BEND7: variants seen among roughly 807,000 people sequenced by gnomAD.
BEND7 encodes the protein BEN domain-containing protein 7.
In BEND7, 28 loss-of-function variants were observed where a neutral mutation model predicts 50.9. The observed-to-expected ratio is 0.55, with a 90% confidence interval of 0.41 to 0.75. The LOEUF is 0.75. Among genes scored for constraint, BEND7 ranks in the 30% least tolerant of loss-of-function variants. The pLI, the probability that BEND7 is intolerant of heterozygous loss-of-function variation, is 0.00. For synonymous variants in BEND7, 170 were observed against 183.9 expected, an observed-to-expected ratio of 0.92 and a Z score of 0.61; for missense variants, 477 against 491.3, an observed-to-expected ratio of 0.97 and a Z score of 0.28.
intron 6 of BEND7, among the ~76,000 whole-genome samples, chr10:13,462,781 G>A (rs1446276821): frequency 6.6e-6 from 1 of 152,180 alleles, no homozygotes; most frequent in Non-Finnish European, 1.5e-5. Context: ...CAACTGGTGA[G>A]TCATGGATCC....
chr10:13,522,773 G>A (rs1182590026), intron 2 of BEND7, among the ~76,000 whole-genome samples: 1 of 152,004 alleles, frequency 6.6e-6, no homozygotes, highest in Non-Finnish European at 1.5e-5. Context: ...CGGTTAAGTG[G>A]AGTGTTCAAA....
chr10:13,468,419 T>C (rs1279676619), intron 6 of BEND7, among the ~76,000 whole-genome samples: 2 of 152,124 alleles, frequency 1.3e-5, no homozygotes, highest in Non-Finnish European at 2.9e-5. Context: ...AGGAACAGTG[T>C]TGCTGGCTCA....
chr10:13,464,831 T>C (rs76347466), intron 6 of BEND7, among the ~76,000 whole-genome samples: 3,592 of 152,298 alleles, frequency 0.024, 65 homozygotes, highest in Non-Finnish European at 0.034. Flanking sequence ...ATTTCAATTA[T>C]ACTCCTTACA....
chr10:13,460,143 A>C (rs1045589730), intron 6 of BEND7: 3 of 152,826 alleles, frequency 2.0e-5, no homozygotes, highest in African/African-American at 7.2e-5. Context: ...TGATGCACCT[A>C]CTGTGTGCAA....
intron 2 of BEND7, chr10:13,500,750 C>T (rs2077383827): frequency 1.0e-6 from 1 of 985,490 alleles, no homozygotes; most frequent in South Asian, 4.7e-5. Flanking sequence ...GGGGTTTTGT[C>T]TTTCTGGCAC....
chr10:13,441,567 T>G lies in BEND7; in HGVS notation c.*176A>C, dbSNP rs1032734201. 2.8e-6 allele frequency: 4 copies of G among 1,451,920 alleles called. No individual in the cohort carries two copies. Among genetic ancestry groups the G allele is most frequent in the South Asian group, 1.5e-5 (1 of 66,498 alleles). 89.9% of individuals were successfully genotyped at this position (1,451,920 alleles called of 1,614,324 possible). A position where few individuals can be genotyped will look rare whatever the true frequency, so the allele number is the denominator to read the frequency against. On this transcript the variant is annotated 3_prime_UTR_variant, in exon 9 of 9. Coordinates refer to ENST00000466271, the MANE Select transcript of BEND7 (RefSeq NM_001369863.1). ...CAGCAGATCTCTTAACAGACCACAG[T>G]TGGAAGTTAGCGTTTCTGCCTTGAC...
At chr10:13,459,556 T>C (rs1375218388) in intron 6 of BEND7, 3 of 152,164 alleles carry the variant, frequency 2.0e-5, no homozygotes, top group Non-Finnish European at 2.9e-5. Context: ...GAATCAAGGC[T>C]GGTTGTTCAG....
chr10:13,447,648 A>G (rs1325616798), intron 7 of BEND7, among the ~76,000 whole-genome samples: 1 of 140,272 alleles, frequency 7.1e-6, no homozygotes, highest in Non-Finnish European at 1.5e-5. Flanking sequence ...GGTTCACGCC[A>G]TTCTCCTGCC....
At position 13,441,511 on chromosome 10, in the gene BEND7, C is replaced by T. The variant is rs910253728; in HGVS notation, c.*232G>A. ...TGCTGAACACCCCAAGCTGTGGCCC[C>T]GCCTTGGAAGGCAGTGCTTCTGAAG... On this transcript the variant is annotated 3_prime_UTR_variant, in exon 9 of 9. Transcript: ENST00000466271. 3.0e-5 allele frequency: 41 copies of T among 1,377,060 alleles called. No homozygotes were observed. Among genetic ancestry groups the T allele is most frequent in the Non-Finnish European group, 3.7e-5 (40 of 1,068,550 alleles). The allele number at this position is 1,377,060 out of a possible 1,614,324, so 85.3% of individuals were successfully genotyped here.
At chr10:13,477,567 G>A (rs768020329) in intron 6 of BEND7, among the ~76,000 whole-genome samples, 13 of 152,172 alleles carry the variant, frequency 8.5e-5, no homozygotes, top group Admixed American at 5.2e-4. Flanking sequence ...GTATTGTAAC[G>A]TGTGGGTTAA....
chr10:13,528,210 G>A (rs930855819), intron 1 of BEND7, among the ~76,000 whole-genome samples: 2 of 151,794 alleles, frequency 1.3e-5, no homozygotes, highest in East Asian at 1.9e-4. Context: ...AGGAGGGCTC[G>A]GGCCCCCCGG....
chr10:13,526,277 A>C, intron 1 of BEND7, 56 bp from the exon 2 acceptor site: 5 of 867,056 alleles, frequency 5.8e-6, no homozygotes, highest in Non-Finnish European at 6.4e-6. Context: ...GATAGGAATA[A>C]GCAGTCAAGT....
rs748635111 is a variant in BEND7, at chr10:13,452,582, C to G, written c.1140G>C (p.Gln380His). Residue 380 changes from glutamine to histidine, a missense_variant, in exon 7 of 9, where the codon CAG becomes CAC. By Grantham distance (24) the Gln-to-His change is conservative. Around this residue, in one of 3 missense-constraint regions of BEND7, gnomAD observed 64 missense variants for 68.5 expected, o/e 0.93. Transcript: ENST00000466271. ...TTCTTCTGGCCAGTTTAATTTGATC[C>G]TGTAGAATCTGTACCCAATCTCTTG... is the stretch of plus-strand genomic sequence containing the variant. ...PGPRDWVQIL[Q>H]DQIKLARRRL... is the part of the protein sequence containing the mutation. 4.3e-6 allele frequency: 7 copies of G among 1,613,410 alleles called. No homozygotes were observed. The highest frequency in any genetic ancestry group is 1.3e-5 in the African/African-American group (1 of 74,902).
intron 2 of BEND7, among the ~76,000 whole-genome samples, chr10:13,517,160 G>C (rs1387148634): frequency 6.6e-6 from 1 of 151,384 alleles, no homozygotes; most frequent in Non-Finnish European, 1.5e-5. Context: ...CACCCACTGG[G>C]CTCAACTGAT....
intron 2 of BEND7, among the ~76,000 whole-genome samples, chr10:13,522,764 G>A (rs1413929548): frequency 2.0e-5 from 3 of 152,272 alleles, no homozygotes; most frequent in Non-Finnish European, 2.9e-5. Flanking sequence ...ACAGACAGGC[G>A]GTTAAGTGGA....
At chr10:13,523,817 G>A (rs1449779888) in intron 2 of BEND7, among the ~76,000 whole-genome samples, 1 of 152,120 alleles carries the variant, frequency 6.6e-6, no homozygotes, top group African/African-American at 2.4e-5. Context: ...GACAATTTCT[G>A]TTATTTTTTC....
At chr10:13,441,926 G>T in intron 8 of BEND7, 176 bp from the exon 9 acceptor site, 1 of 646,036 alleles carries the variant, frequency 1.5e-6, no homozygotes, top group South Asian at 2.1e-5. Flanking sequence ...TAGTTAGATT[G>T]ATTCTACAAG....
chr10:13,449,129 A>G (rs1428851730), intron 7 of BEND7, among the ~76,000 whole-genome samples: 1 of 152,128 alleles, frequency 6.6e-6, no homozygotes, highest in Admixed American at 6.5e-5. Flanking sequence ...TCTGGATGAA[A>G]GGCTTTAGGT....
At chr10:13,473,422 C>T (rs1161459716) in intron 6 of BEND7, among the ~76,000 whole-genome samples, 1 of 146,872 alleles carries the variant, frequency 6.8e-6, no homozygotes, top group Non-Finnish European at 1.5e-5. Context: ...TCGGGGCCGA[C>T]ATCCGTCATC....
Sources: allele counts gnomAD v4.1 joint callset (sites outside exome capture counted in the v4.1 genomes callset), GRCh38; gene constraint gnomAD v4.1.1; regional missense constraint gnomAD v4.1.1; transcripts MANE v1.5; gene names NCBI Gene and HGNC (gene_info 2026-07-23, HGNC 2026-07-21).